Variants in R3HCC1L observed in about 807,000 individuals in gnomAD.
R3HCC1L encodes coiled-coil domain-containing protein R3HCC1L.
Under a neutral mutation model 59.9 loss-of-function variants are expected in R3HCC1L, and 51 were observed. That is an observed-to-expected ratio of 0.85 (90% CI 0.68 to 1.07). The LOEUF (loss-of-function observed/expected upper bound fraction) is 1.07. R3HCC1L is among the 50% of genes least tolerant of loss of function. R3HCC1L has a pLI of 0.00. For missense variants in R3HCC1L, 965 were observed against 933.0 expected (o/e 1.03, Z -0.45); for synonymous variants, 322 against 315.2 (o/e 1.02, Z -0.23).
At chr10:98,213,783 A>G (rs1246132676) in intron 5 of R3HCC1L, among the ~76,000 whole-genome samples, 1 of 152,108 alleles carries the variant, frequency 6.6e-6, no homozygotes, top group African/African-American at 2.4e-5. Context: ...TTTTTTCACA[A>G]TATCTTTTAA....
intron 4 of R3HCC1L, among the ~76,000 whole-genome samples, chr10:98,206,947 T>G (rs916523373): frequency 2.0e-5 from 3 of 152,206 alleles, no homozygotes; most frequent in Non-Finnish European, 4.4e-5. Context: ...TGGAGATACT[T>G]GATGATCAGG....
chr10:98,218,267 A>G (rs1854444466), intron 5 of R3HCC1L, among the ~76,000 whole-genome samples: 1 of 152,140 alleles, frequency 6.6e-6, no homozygotes, highest in Admixed American at 6.5e-5. Context: ...TGAGATGTTT[A>G]TATGGGTTTT....
intron 2 of R3HCC1L, among the ~76,000 whole-genome samples, chr10:98,159,888 T>C (rs1321985966): frequency 2.6e-5 from 4 of 152,170 alleles, no homozygotes; most frequent in South Asian, 2.1e-4. Context: ...GCAACTGTTA[T>C]TGCTTCTAGG....
chr10:98,209,218 A>G lies in R3HCC1L; in HGVS notation c.1104A>G (p.Val368=), dbSNP rs768291842. 12 of 1,613,852 alleles carry G rather than the reference A, an allele frequency of 7.4e-6. No individual in the cohort carries two copies. The highest frequency in any genetic ancestry group is 3.3e-5 in the Admixed American group (2 of 60,014). Residue 368 remains valine (V), a synonymous_variant, in exon 5 of 10, where the codon GTA becomes GTG. Transcript: ENST00000298999. ...ETHRDSGFKN[V]GDITNKACMM... Reference sequence around the variant, plus strand: ...ATAGAGATAGTGGATTTAAGAATGTAGGTGACATTACCAATAAAGCATGTA... The same window carrying G: ...ATAGAGATAGTGGATTTAAGAATGTGGGTGACATTACCAATAAAGCATGTA...
intron 4 of R3HCC1L, among the ~76,000 whole-genome samples, chr10:98,180,579 C>G (rs2134558863): frequency 6.6e-6 from 1 of 152,286 alleles, no homozygotes; most frequent in Non-Finnish European, 1.5e-5. Flanking sequence ...TCTATTAGGT[C>G]TGCTTGGTGC....
intron 4 of R3HCC1L, among the ~76,000 whole-genome samples, chr10:98,188,732 G>A (rs9651448): frequency 0.27 from 41,076 of 152,052 alleles, 6,275 homozygotes; most frequent in South Asian, 0.42. Context: ...ATATTTAAGT[G>A]GGGAGTACTA....
intron 9 of R3HCC1L, among the ~76,000 whole-genome samples, chr10:98,239,726 C>G (rs1156425605): frequency 6.6e-6 from 1 of 152,104 alleles, no homozygotes; most frequent in Non-Finnish European, 1.5e-5. Flanking sequence ...GAGACAGGGT[C>G]TCACTTTGTC....
At chr10:98,190,184 G>T (rs930385114) in intron 4 of R3HCC1L, among the ~76,000 whole-genome samples, 1 of 152,140 alleles carries the variant, frequency 6.6e-6, no homozygotes, top group African/African-American at 2.4e-5. Flanking sequence ...GTTCAGTACA[G>T]ACACAATTTT....
intron 9 of R3HCC1L, among the ~76,000 whole-genome samples, chr10:98,239,063 C>A (rs531897667): frequency 6.6e-6 from 1 of 152,198 alleles, no homozygotes; most frequent in Admixed American, 6.5e-5. Context: ...GTCAGTTATA[C>A]TTCTCTGTGC....
At chr10:98,152,913 T>C (rs1166074034) in intron 1 of R3HCC1L, among the ~76,000 whole-genome samples, 4 of 147,330 alleles carry the variant, frequency 2.7e-5, no homozygotes, top group Non-Finnish European at 6.0e-5. Context: ...GGTCAGCCCC[T>C]GCCCGGCCAG....
chr10:98,191,741 A>C (rs1564670896), intron 4 of R3HCC1L, among the ~76,000 whole-genome samples: 1 of 152,026 alleles, frequency 6.6e-6, no homozygotes, highest in Non-Finnish European at 1.5e-5. Context: ...ATATGTCCTG[A>C]ATGGTATTGC....
chr10:98,201,767 T>C (rs1358012539), intron 4 of R3HCC1L, among the ~76,000 whole-genome samples: 1 of 152,270 alleles, frequency 6.6e-6, no homozygotes, highest in Non-Finnish European at 1.5e-5. Flanking sequence ...TCCTTTGTTT[T>C]ATAAGTGAGA....
At chr10:98,140,996 A>G (rs1341321334) in intron 1 of R3HCC1L, among the ~76,000 whole-genome samples, 1 of 152,134 alleles carries the variant, frequency 6.6e-6, no homozygotes, top group Non-Finnish European at 1.5e-5. Flanking sequence ...AACATAACAT[A>G]ATGAGGCCCA....
intron 5 of R3HCC1L, among the ~76,000 whole-genome samples, chr10:98,212,948 G>T (rs1054582208): frequency 6.6e-6 from 1 of 152,122 alleles, no homozygotes; most frequent in Non-Finnish European, 1.5e-5. Flanking sequence ...TTCTATAATA[G>T]TATGTAGACC....
chr10:98,222,305 T>C lies in R3HCC1L; in HGVS notation c.1786-9207T>C, dbSNP rs577325456. ...CTGAGACAGTGGGGTTTTCTAGATA[T>C]ACAATCATGTCATCTGCAAACAGGG... is the stretch of plus-strand genomic sequence containing the variant. On this transcript the variant is annotated intron_variant, in intron 5 of 9. Transcript: ENST00000298999. Among the ~76,000 whole-genome samples, 7 of 152,218 alleles carry C rather than the reference T, an allele frequency of 4.6e-5. No homozygotes were observed. The South Asian group carries it at 1.0e-3, about 23-fold the overall frequency.
chr10:98,148,165 A>G (rs972743251), intron 1 of R3HCC1L, among the ~76,000 whole-genome samples: 17 of 151,970 alleles, frequency 1.1e-4, no homozygotes, highest in African/African-American at 3.4e-4. Context: ...TGCAAATGGG[A>G]TTGCTTCCTT....
At chr10:98,160,622 T>C (rs961710760) in intron 2 of R3HCC1L, among the ~76,000 whole-genome samples, 13 of 152,248 alleles carry the variant, frequency 8.5e-5, no homozygotes, top group African/African-American at 3.1e-4. Flanking sequence ...TCATTTGAAA[T>C]ACAGTGTACT....
intron 1 of R3HCC1L, among the ~76,000 whole-genome samples, chr10:98,154,883 C>T (rs1203486859): frequency 2.0e-5 from 3 of 152,074 alleles, no homozygotes; most frequent in African/African-American, 7.2e-5. Context: ...TTCATGAATC[C>T]TTGCTTAATT....
At chr10:98,168,911 C>T (rs1590518361) in intron 4 of R3HCC1L, among the ~76,000 whole-genome samples, 1 of 152,196 alleles carries the variant, frequency 6.6e-6, no homozygotes, top group East Asian at 1.9e-4. Flanking sequence ...TTTTCAAATG[C>T]TTGGAGGAGT....
Sources: gnomAD v4.1 joint callset for allele counts (sites outside exome capture counted in the v4.1 genomes callset) on GRCh38, gnomAD v4.1.1 for gene constraint, MANE v1.5 for transcripts, NCBI Gene and HGNC (gene_info 2026-07-23, HGNC 2026-07-21) for gene names.